Variants in G3BP2 observed in about 807,000 individuals in gnomAD.
G3BP2 encodes the protein G3BP stress granule assembly factor 2, also known as ras GTPase-activating protein-binding protein 2.
Under a neutral mutation model 56.7 loss-of-function variants are expected in G3BP2, and 11 were observed. The observed-to-expected ratio is 0.19, with a 90% CI of 0.12 to 0.32. The LOEUF is 0.32. Among genes scored for constraint, G3BP2 ranks in the 10% least tolerant of loss-of-function variants. The pLI, the probability that G3BP2 is intolerant of heterozygous loss-of-function variation, is 1.00. For synonymous variants in G3BP2, 165 were observed against 191.6 expected, an observed-to-expected ratio of 0.86 and a Z score of 1.15; for missense variants, 340 against 610.9, an observed-to-expected ratio of 0.56 and a Z score of 4.67.
chr4:75,649,677 C>A (rs1019270625), intron 8 of G3BP2, among the ~76,000 whole-genome samples: 2 of 152,130 alleles, frequency 1.3e-5, no homozygotes, highest in African/African-American at 4.8e-5. Flanking sequence ...AAACACCCAA[C>A]AGGATATGGA....
intron 1 of G3BP2, 172 bp from the exon 2 acceptor site, chr4:75,662,221 A>ATTTTTT: frequency 3.5e-6 from 1 of 286,658 alleles, no homozygotes; most frequent in Non-Finnish European, 6.4e-6. Context: ...ACCTGAAATA[A>ATTTTTT]TTTTTTTTTT....
chr4:75,685,885 G>A (rs1718577570), intron 3 of G3BP2, among the ~76,000 whole-genome samples: 4 of 152,116 alleles, frequency 2.6e-5, no homozygotes, highest in African/African-American at 9.7e-5. Context: ...TCATAAACAA[G>A]GAACTGCCCT....
rs901183478 is a variant in G3BP2 at position 75,663,997 on chromosome 4, C to A, written c.-24-1948G>T. ...GCCTCCCGGCAGAGCAATTCTCTTGCCTCAGCCTCCCGAGTAGCTGGGACT... is the reference window on the plus strand; with the variant it reads ...GCCTCCCGGCAGAGCAATTCTCTTGACTCAGCCTCCCGAGTAGCTGGGACT... On this transcript the variant is annotated intron_variant, in intron 1 of 11. Coordinates refer to ENST00000359707, the MANE Select transcript of G3BP2 (RefSeq NM_203505.3). Among the ~76,000 whole-genome samples, 106 of 150,856 alleles carry A rather than the reference C, an allele frequency of 7.0e-4. 1 individual carries two copies. Among genetic ancestry groups the A allele is most frequent in the African/African-American group, 2.5e-3 (103 of 41,284 alleles).
Position 75,701,366 on chromosome 4 carries a change from C to A in G3BP2, c.-25+19511G>T, listed in dbSNP as rs191866226. On this transcript the variant is annotated intron_variant, in intron 3 of 3. Transcript: ENST00000499709. ...GGAGTGCAGTGGCACTATCTAAGCT[C>A]AATGCAACCTCCGCCTCCTGAGTAG... Among the ~76,000 whole-genome samples, 157 of 151,676 alleles carry A rather than the reference C, an allele frequency of 1.0e-3. 1 individual carries two copies. The highest frequency in any genetic ancestry group is 1.2e-3 in the Admixed American group (18 of 15,232).
intron 3 of G3BP2, among the ~76,000 whole-genome samples, chr4:75,704,059 G>A (rs959144610): frequency 3.5e-4 from 51 of 145,124 alleles, no homozygotes; most frequent in African/African-American, 1.3e-3. Context: ...TCGCTCTGTC[G>A]CCAGGCTGGA....
intron 3 of G3BP2, among the ~76,000 whole-genome samples, chr4:75,688,284 C>G (rs1718705011): frequency 6.6e-6 from 1 of 152,146 alleles, no homozygotes. Flanking sequence ...CTCAAGTGTT[C>G]CACCTGCCTC....
chr4:75,701,764 G>C (rs767281637), intron 3 of G3BP2, among the ~76,000 whole-genome samples: 2 of 152,104 alleles, frequency 1.3e-5, no homozygotes, highest in African/African-American at 4.8e-5. Context: ...AAGGCTTTTG[G>C]ACTCAAACAC....
intron 3 of G3BP2, among the ~76,000 whole-genome samples, chr4:75,694,210 G>A (rs1247245048): frequency 6.6e-6 from 1 of 152,190 alleles, no homozygotes; most frequent in Non-Finnish European, 1.5e-5. Context: ...GGTGTGGAAG[G>A]CCTCAAATAG....
At position 75,717,518 on chromosome 4, in the gene G3BP2, G is replaced by T. The variant is rs1443331984; in HGVS notation, c.-25+3359C>A. Among the ~76,000 whole-genome samples the T allele has an allele frequency of 2.0e-5, 3 of 152,074 alleles. No individual in the cohort carries two copies. The East Asian group carries it at 5.8e-4, about 29-fold the overall frequency. ...CTCCTGCCACAAATACTTGCTTGGG[G>T]CATAGCCTCAGGCAAATGACAGAGA... On this transcript the variant is annotated intron_variant, in intron 3 of 3. Transcript: ENST00000499709.
chr4:75,697,039 G>A (rs1719145646), intron 3 of G3BP2, among the ~76,000 whole-genome samples: 1 of 152,022 alleles, frequency 6.6e-6, no homozygotes, highest in East Asian at 1.9e-4. Flanking sequence ...CACTTTGGGA[G>A]GCCAAGGCAG....
rs143666646 is a variant in G3BP2 at position 75,687,161 on chromosome 4, A to T, written c.-24-25112T>A. ...ATGGTTTGGCTCTGTGTCCCCACCC[A>T]AATCTTATCTTATAGTTCCCATAAT... is the stretch of plus-strand genomic sequence containing the variant. On this transcript the variant is annotated intron_variant, in intron 3 of 3. Transcript: ENST00000499709. 7.2e-5 allele frequency among the ~76,000 whole-genome samples: 11 copies of T among 152,266 alleles called. No homozygotes were observed. In the East Asian group the frequency reaches 2.1e-3, roughly 29 times the overall value.
In G3BP2 at chr4:75,717,911, C is replaced by A. The variant is rs188630612; in HGVS notation, c.-25+2966G>T. On this transcript the variant is annotated intron_variant, in intron 3 of 3. Transcript: ENST00000499709. ...ATCCCAGCACTTTGGGAGGCTGAGGCGGGTGGGTCACGAGGTAAGGAGATC... is the reference window on the plus strand; with the variant it reads ...ATCCCAGCACTTTGGGAGGCTGAGGAGGGTGGGTCACGAGGTAAGGAGATC... Among the ~76,000 whole-genome samples, 22 of 152,140 alleles carry A rather than the reference C, an allele frequency of 1.4e-4. No individual in the cohort carries two copies. The East Asian group carries it at 3.1e-3, about 21-fold the overall frequency.
intron 3 of G3BP2, among the ~76,000 whole-genome samples, chr4:75,702,961 G>C (rs962047798): frequency 2.0e-5 from 3 of 152,210 alleles, no homozygotes; most frequent in Non-Finnish European, 4.4e-5. Flanking sequence ...CACTCCATTG[G>C]AATACTATGA....
chr4:75,705,383 G>C (rs192110344), intron 3 of G3BP2, among the ~76,000 whole-genome samples: 2 of 152,238 alleles, frequency 1.3e-5, no homozygotes, highest in Non-Finnish European at 2.9e-5. Flanking sequence ...CATTTCAACA[G>C]AAGTCTGGAA....
intron 7 of G3BP2, among the ~76,000 whole-genome samples, chr4:75,654,692 T>C (rs902485614): frequency 8.5e-5 from 13 of 152,206 alleles, no homozygotes; most frequent in African/African-American, 3.1e-4. Context: ...TATCTCTTCT[T>C]TTAATTATAG....
At chr4:75,711,122 C>T (rs1719739217) in intron 3 of G3BP2, among the ~76,000 whole-genome samples, 1 of 151,750 alleles carries the variant, frequency 6.6e-6, no homozygotes. Context: ...GAGTTCAAGA[C>T]CAGCCTGGCC....
chr4:75,676,508 A>T (rs1001088665), upstream of G3BP2, among the ~76,000 whole-genome samples: 7 of 151,846 alleles, frequency 4.6e-5, no homozygotes, highest in Non-Finnish European at 1.0e-4. Context: ...ACGCCCATCT[A>T]ATTTTTCTAT....
intron 3 of G3BP2, among the ~76,000 whole-genome samples, chr4:75,697,292 AAAAAAAAAAGAT>A (rs1719162313): frequency 9.2e-6 from 1 of 108,332 alleles, no homozygotes; most frequent in Admixed American, 8.2e-5. Flanking sequence ...AAAAAAAAAA[AAAAAAAAAAGAT>A]CATGAAATTG....
chr4:75,673,210 C>T lies in G3BP2; in HGVS notation c.-27G>A, dbSNP rs1233372450. ...CCCCTCCCGGCGCCCGTACACACCT[C>T]CAGCCAACGGCGGCGGCGGGTACGT... On this transcript the variant is annotated splice_region_variant and 5_prime_UTR_variant, in exon 1 of 12. Transcript: ENST00000359707. 1.3e-5 allele frequency: 16 copies of T among 1,208,806 alleles called. No homozygotes were observed. The highest frequency in any genetic ancestry group is 1.6e-5 in the Non-Finnish European group (16 of 973,552). 74.9% of individuals were successfully genotyped at this position (1,208,806 alleles called of 1,614,324 possible).
Sources: allele counts gnomAD v4.1 joint callset (sites outside exome capture counted in the v4.1 genomes callset), GRCh38; gene constraint gnomAD v4.1.1; transcripts MANE v1.5; gene names NCBI Gene and HGNC (gene_info 2026-07-23, HGNC 2026-07-21).